The following CDKN2B-AS1 variants were observed in gnomAD, a reference collection of about 807,000 sequenced individuals.
CDKN2B-AS1 encodes the protein CDKN2B antisense RNA 1 (non-protein coding).
At chr9:22,061,632 C>G (rs1195032737) in intron 4 of CDKN2B-AS1, among the ~76,000 whole-genome samples, 1 of 152,054 alleles carries the variant, frequency 6.6e-6, no homozygotes, top group East Asian at 1.9e-4. Flanking sequence ...AAAGAGTAAT[C>G]TATTTGGAAA....
At chr9:22,053,491 A>C (rs536904035) in intron 3 of CDKN2B-AS1, among the ~76,000 whole-genome samples, 3 of 152,294 alleles carry the variant, frequency 2.0e-5, no homozygotes, top group South Asian at 2.1e-4. Context: ...CCCAGTGATC[A>C]TTAGGTCTGT....
chr9:22,013,451 C>CT (rs1423383496), intron 1 of CDKN2B-AS1, among the ~76,000 whole-genome samples: 12 of 152,004 alleles, frequency 7.9e-5, no homozygotes, highest in East Asian at 7.7e-4. Context: ...CTCTCTCTCT[C>CT]TTTTTTTTCT....
intron 1 of CDKN2B-AS1, among the ~76,000 whole-genome samples, chr9:22,037,425 G>A (rs910273061): frequency 2.3e-4 from 35 of 151,550 alleles, no homozygotes; most frequent in African/African-American, 6.0e-4. Flanking sequence ...ACTCTACCTG[G>A]TTTGCGTAAT....
At chr9:22,068,513 A>G (rs901602405) in intron 4 of CDKN2B-AS1, among the ~76,000 whole-genome samples, 1 of 152,138 alleles carries the variant, frequency 6.6e-6, no homozygotes, top group Non-Finnish European at 1.5e-5. Context: ...CCCGAGTTTG[A>G]CAGAGAGCGT....
intron 4 of CDKN2B-AS1, chr9:22,062,080 T>G (rs2131299883): frequency 1.3e-5 from 2 of 152,266 alleles, no homozygotes; most frequent in Middle Eastern, 6.8e-3. Context: ...TTACTGACGT[T>G]GTGAGTGAAA....
intron 1 of CDKN2B-AS1, among the ~76,000 whole-genome samples, chr9:22,002,278 A>C (rs527337672): frequency 1.3e-5 from 2 of 152,040 alleles, no homozygotes; most frequent in African/African-American, 2.4e-5. Flanking sequence ...GGTAGTTCAC[A>C]TGAGTGCTTC....
chr9:22,096,399 G>A (rs1313964542), intron 4 of CDKN2B-AS1: 1 of 152,120 alleles, frequency 6.6e-6, no homozygotes. Context: ...ATGAGAAACA[G>A]ACATGCTCCC....
intron 4 of CDKN2B-AS1, among the ~76,000 whole-genome samples, chr9:22,062,494 T>C (rs1284871924): frequency 6.6e-6 from 1 of 152,198 alleles, no homozygotes; most frequent in Admixed American, 6.5e-5. Flanking sequence ...TTCTCTTTTC[T>C]TTTAGAGCCA....
At chr9:22,060,207 C>T (rs1369694511) in intron 4 of CDKN2B-AS1, among the ~76,000 whole-genome samples, 1 of 152,190 alleles carries the variant, frequency 6.6e-6, no homozygotes, top group Non-Finnish European at 1.5e-5. Context: ...TGCAAATTTT[C>T]TGAACTCTGT....
chr9:22,104,134 T>G (rs984450851), intron 4 of CDKN2B-AS1, among the ~76,000 whole-genome samples: 1 of 152,240 alleles, frequency 6.6e-6, no homozygotes, highest in Non-Finnish European at 1.5e-5. Flanking sequence ...ATTTGCTTAG[T>G]GCAATGCAAA....
chr9:22,008,630 G>C (rs749602918), intron 1 of CDKN2B-AS1: 5 of 1,585,656 alleles, frequency 3.2e-6, no homozygotes, highest in Non-Finnish European at 4.3e-6. Flanking sequence ...TCTCTCTTTA[G>C]GATTTTTGCT....
intron 2 of CDKN2B-AS1, among the ~76,000 whole-genome samples, chr9:22,048,344 A>G (rs887632961): frequency 6.6e-6 from 1 of 152,094 alleles, no homozygotes; most frequent in African/African-American, 2.4e-5. Flanking sequence ...GCTCCTCATG[A>G]TGCTGGCCTA....
At chr9:22,037,278 A>G (rs527889569) in intron 1 of CDKN2B-AS1, among the ~76,000 whole-genome samples, 43 of 152,208 alleles carry the variant, frequency 2.8e-4, no homozygotes, top group African/African-American at 9.1e-4. Context: ...TAAAGTACAT[A>G]CTATTCAGTA....
At chr9:22,076,099 G>A (rs1324357543) in intron 4 of CDKN2B-AS1, among the ~76,000 whole-genome samples, 2 of 152,024 alleles carry the variant, frequency 1.3e-5, no homozygotes, top group Non-Finnish European at 2.9e-5. Flanking sequence ...TGTCATCCAG[G>A]CTGGAGTGCA....
chr9:22,029,672 A>G (rs1822388327), intron 1 of CDKN2B-AS1: 1 of 488,436 alleles, frequency 2.0e-6, no homozygotes, highest in African/African-American at 2.0e-5. Context: ...TTCTCTTCCA[A>G]ATTTAATCTT....
At chr9:22,066,059 C>T (rs1391011694) in intron 4 of CDKN2B-AS1, among the ~76,000 whole-genome samples, 3 of 152,112 alleles carry the variant, frequency 2.0e-5, no homozygotes, top group African/African-American at 7.2e-5. Flanking sequence ...TTAGTGCCTT[C>T]TTTCTGTAAT....
At chr9:22,041,931 A>G (rs745659763) in intron 1 of CDKN2B-AS1, among the ~76,000 whole-genome samples, 17 of 152,046 alleles carry the variant, frequency 1.1e-4, no homozygotes, top group Admixed American at 2.0e-4. Flanking sequence ...AATTGGCCAA[A>G]TTCCATGGTG....
intron 4 of CDKN2B-AS1, among the ~76,000 whole-genome samples, chr9:22,064,500 C>T (rs1432328115): frequency 9.9e-5 from 15 of 152,086 alleles, no homozygotes; most frequent in Non-Finnish European, 1.8e-4. Flanking sequence ...GGGTTAAGAA[C>T]GAGGGGAGGC....
intron 1 of CDKN2B-AS1, among the ~76,000 whole-genome samples, chr9:22,026,982 G>T (rs1243493352): frequency 6.6e-6 from 1 of 152,114 alleles, no homozygotes; most frequent in Non-Finnish European, 1.5e-5. Context: ...TCCCAAGTGG[G>T]CTGTCTTCCT....
Sources: gnomAD v4.1 joint callset for allele counts (sites outside exome capture counted in the v4.1 genomes callset) on GRCh38, gnomAD v4.1.1 for gene constraint, MANE v1.5 for transcripts, NCBI Gene and HGNC (gene_info 2026-07-23, HGNC 2026-07-21) for gene names.